PRAM1: variants seen among roughly 807,000 people sequenced by gnomAD.
PRAM1 encodes the protein PML-RARA-regulated adapter molecule 1.
Under a neutral mutation model 55.3 loss-of-function variants are expected in PRAM1, and 41 were observed. The ratio of observed to expected loss-of-function variants is 0.74; its 90% CI spans 0.58 to 0.96. The LOEUF (loss-of-function observed/expected upper bound fraction) is 0.96. Ranked by LOEUF, PRAM1 falls within the 40% of genes least tolerant of loss-of-function variation. The pLI is 0.00. For missense variants in PRAM1, 898 were observed against 892.7 expected (o/e 1.01, Z -0.08); for synonymous variants, 401 against 387.1 (o/e 1.04, Z -0.42).
chr19:8,491,002 G>C lies in PRAM1; in HGVS notation c.1635-7C>G, dbSNP rs2303110. 0.72 allele frequency: 1,153,443 copies of C among 1,612,878 alleles called. 414,697 individuals carry two copies. The highest frequency in any genetic ancestry group is 0.8 in the Admixed American group (48,039 of 59,990). ...CTGGGGATCCTTCTCCTTCCTGATA[G>C]CCCCCACCAAGGAATTGTGTGCTCG... On this transcript the variant is annotated splice_region_variant and splice_polypyrimidine_tract_variant and intron_variant, in intron 5 of 9. Coordinates refer to ENST00000423345, the MANE Select transcript of PRAM1 (RefSeq NM_032152.5).
At position 8,491,111 on chromosome 19, in the gene PRAM1, G is replaced by A. The variant is rs1428412689; in HGVS notation, c.1623C>T (p.Asp541=). The part of the protein sequence containing the change: ...VQQAARRPPQ[D]PALRKEKDPQ... ...TCTGCCCATGGCACCTGAGCGCTGG[G>A]TCTTGTGGTGGCCTCCTGGCGGCTT... The change falls in exon 5 of 10, where the codon GAC becomes GAT. Residue 541 remains aspartate, a synonymous_variant. Coordinates refer to ENST00000423345, the MANE Select transcript of PRAM1 (RefSeq NM_032152.5). 1 of 1,612,228 alleles carries A rather than the reference G, an allele frequency of 6.2e-7. No homozygotes were observed. Among genetic ancestry groups the A allele is most frequent in the South Asian group, 1.1e-5 (1 of 91,086 alleles).
Position 8,498,599 on chromosome 19 carries a change from C to A in PRAM1, c.1209G>T (p.Arg403=). The A allele has an allele frequency of 6.2e-7, 1 of 1,612,580 alleles. No individual in the cohort carries two copies. The highest frequency in any genetic ancestry group is 8.5e-7 in the Non-Finnish European group (1 of 1,179,716). Residue 403 remains arginine (R), a synonymous_variant, in exon 2 of 10, where the codon CGG becomes CGT. Transcript: ENST00000423345. ...CTCCAAACCCAGGGCTGAGCGGGTGCCGGGAGCTGAAGCCGGCCACGGCCG... is the reference window on the plus strand; with the variant it reads ...CTCCAAACCCAGGGCTGAGCGGGTGACGGGAGCTGAAGCCGGCCACGGCCG... ...LPAAVAGFSS[R]HPLSPGFGAA...
In PRAM1 at chr19:8,498,932, G is replaced by A. The variant is rs1971751405; in HGVS notation, c.876C>T (p.Asp292=). Residue 292 remains aspartate (D), a synonymous_variant, in exon 2 of 10, where the codon GAC becomes GAT. Transcript: ENST00000423345. ...PKKPPQPELG[D]LTRTSSEPEV... ...CGGGCTCTGAGGAGGTCCTGGTGAG[G>A]TCCCCAAGCTCAGGCTGCGGAGGCT... 5 of 1,613,740 alleles carry A rather than the reference G, an allele frequency of 3.1e-6. No individual in the cohort carries two copies. Among genetic ancestry groups the A allele is most frequent in the Non-Finnish European group, 4.2e-6 (5 of 1,179,782 alleles).
Position 8,498,765 on chromosome 19 carries a change from G to C in PRAM1, c.1043C>G (p.Pro348Arg). The change falls in exon 2 of 10, where the codon CCG becomes CGG. Residue 348 changes from proline (P) to arginine (R), a missense_variant. Physicochemically the swap from Pro to Arg is moderately radical, Grantham distance 103. Coordinates refer to ENST00000423345, the MANE Select transcript of PRAM1 (RefSeq NM_032152.5). ...FNSLPRKLLQ[P>R]ERRGPPRKFS... The stretch of plus-strand genomic sequence containing the variant: ...CTTGCGGGGTGGCCCCCGGCGCTCC[G>C]GCTGCAGCAGCTTCCTGGGGAGTGA... The C allele has an allele frequency of 6.4e-7, 1 of 1,572,840 alleles. No individual in the cohort carries two copies.
rs1971652070 is a variant in PRAM1 at position 8,493,102 on chromosome 19, T to C, written c.1577-1945A>G. On this transcript the variant is annotated intron_variant, in intron 4 of 9. Transcript: ENST00000423345. This position sits in a 1 kb window ranked among gnomAD's most constrained non-coding sequence, Gnocchi z 4.1. Reference sequence around the variant, plus strand: ...ACTGAGGGGTCTCCCATGGTGCCAGTCTCCCTGTGCCACTTCCTGGCAAAT... The same window carrying C: ...ACTGAGGGGTCTCCCATGGTGCCAGCCTCCCTGTGCCACTTCCTGGCAAAT... 6.6e-6 allele frequency among the ~76,000 whole-genome samples: 1 copy of C among 152,122 alleles called. No homozygotes were observed. The highest frequency in any genetic ancestry group is 2.1e-4 in the South Asian group (1 of 4,828).
chr19:8,498,683 G>A lies in PRAM1; in HGVS notation c.1125C>T (p.Phe375=), dbSNP rs749944481. ...VLKRHPQPEF[F]GDLPRKPPLP... ...GTGGAGGCTTTCGAGGGAGATCACC[G>A]AAGAACTCAGGCTGCGGGTGTCTCT... is the stretch of plus-strand genomic sequence containing the variant. Residue 375 remains phenylalanine, a synonymous_variant, in exon 2 of 10, where the codon TTC becomes TTT. Transcript: ENST00000423345. 2 of 1,606,294 alleles carry A rather than the reference G, an allele frequency of 1.2e-6. No homozygotes were observed. The highest frequency in any genetic ancestry group is 1.1e-5 in the South Asian group (1 of 90,082).
chr19:8,490,502 G>T lies in PRAM1; in HGVS notation c.1914C>A (p.Tyr638Ter). The T allele has an allele frequency of 6.2e-7, 1 of 1,611,572 alleles. No homozygotes were observed. Reference protein sequence around the residue: ...LCRDPKGKYGYVPRTALLPLE... With the variant: ...LCRDPKGKYG ...GGGGCAGGAGCGCTGTTCTGGGCAC[G>T]TAGCCATCTGTGGAGAGAGTGGGCA... The change falls in exon 8 of 10, where the codon TAC becomes TAA. Residue 638 changes from tyrosine (Y) to a stop codon, truncating the protein, a stop_gained. Coordinates refer to ENST00000423345, the MANE Select transcript of PRAM1 (RefSeq NM_032152.5). LOFTEE classifies it high-confidence loss of function. The surrounding 1 kb of genome is among the most constrained non-coding windows in gnomAD (Gnocchi z 7.3).
At position 8,491,416 on chromosome 19, in the gene PRAM1, CACAG is replaced by C. The variant is rs61434825; in HGVS notation, c.1577-263_1577-260del. ...ACCTGGCTGATTTTTGTATTTTTAA[CACAG>C]ACAGGTTTCACCATGTGGGCCAGGC... On this transcript the variant is annotated intron_variant, in intron 4 of 9. Coordinates refer to ENST00000423345, the MANE Select transcript of PRAM1 (RefSeq NM_032152.5). 879 of 562,936 alleles carry C rather than the reference CACAG, an allele frequency of 1.6e-3. 5 individuals carry two copies. The highest frequency in any genetic ancestry group is 0.013 in the African/African-American group (671 of 52,986). The allele number at this position is 562,936 out of a possible 1,614,324, so 34.9% of individuals were successfully genotyped here. A position where few individuals can be genotyped will look rare whatever the true frequency, so the allele number is the denominator to read the frequency against.
Position 8,498,975 on chromosome 19 carries a change from A to G in PRAM1, c.833T>C (p.Leu278Pro), listed in dbSNP as rs1409803909. The part of the protein sequence containing the change: ...AFPKKASQPP[L>P]SDFPKKPPQP... Reference sequence around the variant, plus strand: ...CGGAGGCTTCTTGGGAAAGTCACTCAGCGGAGGCTGGGAGGCCTTTTTGGG... The same window carrying G: ...CGGAGGCTTCTTGGGAAAGTCACTCGGCGGAGGCTGGGAGGCCTTTTTGGG... Residue 278 changes from leucine (L) to proline (P), a missense_variant, in exon 2 of 10, where the codon CTG (leucine) becomes CCG (proline). Leu to Pro is a moderately conservative substitution (Grantham distance 98). Around this residue, in one of 4 missense-constraint regions of PRAM1, gnomAD observed 787 missense variants for 735.4 expected, o/e 1.07. Coordinates refer to ENST00000423345, the MANE Select transcript of PRAM1 (RefSeq NM_032152.5). 1.2e-6 allele frequency: 2 copies of G among 1,613,644 alleles called. No homozygotes were observed. Among genetic ancestry groups the G allele is most frequent in the East Asian group, 4.5e-5 (2 of 44,844 alleles).
At chr19:8,492,853 C>T (rs769173975) in intron 4 of PRAM1, among the ~76,000 whole-genome samples, 2 of 151,770 alleles carry the variant, frequency 1.3e-5, no homozygotes, top group Non-Finnish European at 2.9e-5. Flanking sequence ...AAAAATTAGA[C>T]GGGTGTGGTG....
intron 4 of PRAM1, among the ~76,000 whole-genome samples, chr19:8,492,175 T>A (rs111855803): frequency 0.019 from 2,877 of 151,098 alleles, 87 homozygotes; most frequent in African/African-American, 0.065. Context: ...CCTCAGGTGA[T>A]CCACCCGCCT....
chr19:8,496,497 G>A (rs1971701121), intron 4 of PRAM1, among the ~76,000 whole-genome samples: 3 of 152,040 alleles, frequency 2.0e-5, no homozygotes, highest in Admixed American at 1.3e-4. Flanking sequence ...GGCTAAGGTG[G>A]GTGGATCGTT....
intron 4 of PRAM1, among the ~76,000 whole-genome samples, chr19:8,497,375 C>T (rs1278811835): frequency 6.6e-6 from 1 of 152,056 alleles, no homozygotes; most frequent in African/African-American, 2.4e-5. Flanking sequence ...TGAGGTCTCG[C>T]TCTGTGGCCC....
Position 8,490,115 on chromosome 19 carries a change from CG to C in PRAM1, c.*73del. 3 of 1,419,344 alleles carry C rather than the reference CG, an allele frequency of 2.1e-6. No homozygotes were observed. Among genetic ancestry groups the C allele is most frequent in the Non-Finnish European group, 2.8e-6 (3 of 1,062,774 alleles). 87.9% of individuals were successfully genotyped at this position (1,419,344 alleles called of 1,614,324 possible). A position where few individuals can be genotyped will look rare whatever the true frequency, so the allele number is the denominator to read the frequency against. ...AGCCCAGGCAGCTCTGTGACTTTCC[CG>C]CGCCGGGATCCAGGGCTCCTGGGTG... is the stretch of plus-strand genomic sequence containing the variant. On this transcript the variant is annotated 3_prime_UTR_variant, in exon 10 of 10. Transcript: ENST00000423345. The surrounding 1 kb of genome is among the most constrained non-coding windows in gnomAD (Gnocchi z 7.3).
rs749666961 is a variant in PRAM1 at position 8,498,977 on chromosome 19, C to T, written c.831G>A (p.Pro277=). The part of the protein sequence containing the change: ...SAFPKKASQP[P]LSDFPKKPPQ... Reference sequence around the variant, plus strand: ...GAGGCTTCTTGGGAAAGTCACTCAGCGGAGGCTGGGAGGCCTTTTTGGGAA... The same window carrying T: ...GAGGCTTCTTGGGAAAGTCACTCAGTGGAGGCTGGGAGGCCTTTTTGGGAA... The change falls in exon 2 of 10, where the codon CCG becomes CCA. Residue 277 remains proline (P), a synonymous_variant. Coordinates refer to ENST00000423345, the MANE Select transcript of PRAM1 (RefSeq NM_032152.5). 6.2e-7 allele frequency: 1 copy of T among 1,613,936 alleles called. No homozygotes were observed. The highest frequency in any genetic ancestry group is 8.5e-7 in the Non-Finnish European group (1 of 1,179,874).
intron 1 of PRAM1, 101 bp downstream of exon 1, chr19:8,502,464 G>GCCCCCCC: frequency 4.6e-6 from 1 of 216,458 alleles, no homozygotes; most frequent in Non-Finnish European, 8.4e-6. Context: ...GCCACCCCCC[G>GCCCCCCC]CCCCCCCGCC....
chr19:8,502,230 C>T (rs1971815536), intron 1 of PRAM1, among the ~76,000 whole-genome samples: 2 of 151,982 alleles, frequency 1.3e-5, no homozygotes, highest in East Asian at 1.9e-4. Context: ...TTTGTCACCC[C>T]GCAGGAAAGC....
rs537612441 is a variant in PRAM1, at chr19:8,501,343, C to A, written c.27+1222G>T. Reference sequence around the variant, plus strand: ...CTCCTGACCTCAAGTGATCCACCCACCTCGGCCTCCCAAAGTGCATGAGCC... The same window carrying A: ...CTCCTGACCTCAAGTGATCCACCCAACTCGGCCTCCCAAAGTGCATGAGCC... On this transcript the variant is annotated intron_variant, in intron 1 of 9. Transcript: ENST00000423345. Among the ~76,000 whole-genome samples, 10 of 151,896 alleles carry A rather than the reference C, an allele frequency of 6.6e-5. No individual in the cohort carries two copies. The East Asian group carries it at 1.9e-3, about 29-fold the overall frequency.
intron 1 of PRAM1, among the ~76,000 whole-genome samples, chr19:8,501,790 T>A (rs1971810230): frequency 6.6e-6 from 1 of 152,242 alleles, no homozygotes; most frequent in East Asian, 1.9e-4. Context: ...TGCTCACAGT[T>A]GACAGTGCCT....
Sources: allele counts gnomAD v4.1 joint callset (sites outside exome capture counted in the v4.1 genomes callset), GRCh38; gene constraint gnomAD v4.1.1; regional missense constraint gnomAD v4.1.1; non-coding constraint Gnocchi (gnomAD v3.1); transcripts MANE v1.5; gene names NCBI Gene and HGNC (gene_info 2026-07-23, HGNC 2026-07-21).